The following CAMK1D variants were observed in gnomAD, a reference collection of about 807,000 sequenced individuals.
The protein encoded by CAMK1D is calcium/calmodulin dependent protein kinase ID.
A neutral mutation model predicts 47.7 loss-of-function variants in CAMK1D; 9 were observed. The observed-to-expected ratio is 0.19, with a 90% CI of 0.11 to 0.33. The LOEUF is 0.33. CAMK1D is among the 10% of genes least tolerant of loss of function. The probability of loss-of-function intolerance (pLI) is 1.00; values close to 1 mark genes in which losing one functional copy is unlikely to be tolerated. For synonymous variants in CAMK1D, 184 were observed against 184.9 expected (o/e 0.99, Z 0.04); for missense variants, 291 against 488.7 (o/e 0.60, Z 3.81).
At chr10:12,787,488 G>GA (rs1837781055) in intron 5 of CAMK1D, among the ~76,000 whole-genome samples, 1 of 152,198 alleles carries the variant, frequency 6.6e-6, no homozygotes. Context: ...CGAGAACACA[G>GA]AGTATCCGCG....
intron 1 of CAMK1D, among the ~76,000 whole-genome samples, chr10:12,355,444 A>G (rs1462311466): frequency 6.6e-6 from 1 of 151,962 alleles, no homozygotes; most frequent in African/African-American, 2.4e-5. Context: ...TTTTTGGTGT[A>G]TATGTGTTTG....
intron 3 of CAMK1D, among the ~76,000 whole-genome samples, chr10:12,727,185 C>G (rs142295499): frequency 1.3e-5 from 2 of 152,308 alleles, no homozygotes; most frequent in East Asian, 3.9e-4. Context: ...AAAACTGAGC[C>G]TCGTTTTGAT....
At chr10:12,760,645 G>T in intron 3 of CAMK1D, 1 of 236,836 alleles carries the variant, frequency 4.2e-6, no homozygotes, top group African/African-American at 2.2e-5. Context: ...TGGTATTCAG[G>T]AAGGGTTTTT....
intron 1 of CAMK1D, among the ~76,000 whole-genome samples, chr10:12,537,181 C>T (rs1258789685): frequency 1.3e-5 from 2 of 152,136 alleles, no homozygotes; most frequent in Non-Finnish European, 2.9e-5. Context: ...AAGTGATTCT[C>T]CTTCCTCAAC....
chr10:12,477,676 G>T (rs1833941424), intron 1 of CAMK1D, among the ~76,000 whole-genome samples: 1 of 152,214 alleles, frequency 6.6e-6, no homozygotes, highest in Admixed American at 6.5e-5. Context: ...ACTGTGGAGG[G>T]AGGGGCAGGG....
intron 2 of CAMK1D, among the ~76,000 whole-genome samples, chr10:12,642,063 G>A (rs572549287): frequency 0.14 from 19,940 of 145,068 alleles, 1,890 homozygotes; most frequent in African/African-American, 0.26. Context: ...AAAAAAAAAA[G>A]AAAGAAAAGG....
chr10:12,469,623 G>A (rs527311973), intron 1 of CAMK1D, among the ~76,000 whole-genome samples: 10 of 152,208 alleles, frequency 6.6e-5, no homozygotes, highest in South Asian at 2.1e-4. Context: ...GCTTATTTCC[G>A]GGAAAAGCTA....
intron 3 of CAMK1D, among the ~76,000 whole-genome samples, chr10:12,710,168 G>A (rs575644602): frequency 1.4e-4 from 22 of 152,318 alleles, no homozygotes; most frequent in African/African-American, 4.1e-4. Flanking sequence ...AAGTGTTACC[G>A]TTTGTAACTA....
At chr10:12,610,174 A>G (rs528493916) in intron 2 of CAMK1D, among the ~76,000 whole-genome samples, 1 of 152,234 alleles carries the variant, frequency 6.6e-6, no homozygotes, top group South Asian at 2.1e-4. Flanking sequence ...TTAGGAAGGG[A>G]TGTTCATAGA....
intron 10 of CAMK1D, among the ~76,000 whole-genome samples, chr10:12,827,992 T>G (rs186405118): frequency 9.2e-5 from 14 of 152,338 alleles, no homozygotes; most frequent in African/African-American, 3.4e-4. Flanking sequence ...CAAAGTGCTC[T>G]GCGTCACAAA....
At chr10:12,799,464 G>A (rs577997849) in intron 6 of CAMK1D, among the ~76,000 whole-genome samples, 1 of 152,116 alleles carries the variant, frequency 6.6e-6, no homozygotes, top group East Asian at 1.9e-4. Flanking sequence ...GAGGGAAGGA[G>A]GGAGGAAGGA....
At chr10:12,767,015 T>C (rs1396284253) in intron 4 of CAMK1D, among the ~76,000 whole-genome samples, 1 of 152,144 alleles carries the variant, frequency 6.6e-6, no homozygotes, top group Non-Finnish European at 1.5e-5. Flanking sequence ...TCCAGAGCCC[T>C]GGGCCCCATC....
chr10:12,780,268 A>T (rs950683998), intron 5 of CAMK1D, among the ~76,000 whole-genome samples: 2 of 152,172 alleles, frequency 1.3e-5, no homozygotes, highest in Non-Finnish European at 2.9e-5. Context: ...GCCACCCAGC[A>T]GGGGACTTGA....
intron 3 of CAMK1D, among the ~76,000 whole-genome samples, chr10:12,720,002 C>T (rs1034839735): frequency 6.6e-6 from 1 of 152,186 alleles, no homozygotes; most frequent in Non-Finnish European, 1.5e-5. Context: ...TTCAGTGGGT[C>T]TGGGTAGGAA....
intron 3 of CAMK1D, among the ~76,000 whole-genome samples, chr10:12,739,600 T>C (rs1835341872): frequency 6.6e-6 from 1 of 152,120 alleles, no homozygotes; most frequent in African/African-American, 2.4e-5. Context: ...AGATATATGC[T>C]TTGATCTCAA....
chr10:12,605,723 C>T (rs756318959), intron 2 of CAMK1D, among the ~76,000 whole-genome samples: 61 of 152,332 alleles, frequency 4.0e-4, no homozygotes, highest in Non-Finnish European at 5.0e-4. Flanking sequence ...AAAACACTGC[C>T]GCATTGCCCA....
intron 1 of CAMK1D, among the ~76,000 whole-genome samples, chr10:12,400,953 A>G (rs895025201): frequency 9.6e-5 from 14 of 146,154 alleles, no homozygotes; most frequent in African/African-American, 3.6e-4. Flanking sequence ...CCCTGTCTCT[A>G]CAAAACCAGA....
chr10:12,605,820 C>T (rs1838441866), intron 2 of CAMK1D, among the ~76,000 whole-genome samples: 1 of 152,184 alleles, frequency 6.6e-6, no homozygotes, highest in African/African-American at 2.4e-5. Flanking sequence ...CCCTCGGAAA[C>T]AGGAGTTATT....
intron 1 of CAMK1D, among the ~76,000 whole-genome samples, chr10:12,548,238 T>G (rs1214994701): frequency 6.6e-6 from 1 of 152,158 alleles, no homozygotes; most frequent in African/African-American, 2.4e-5. Flanking sequence ...CCAAAGTCCT[T>G]TGTAAATATC....
Sources: gnomAD v4.1 joint callset for allele counts (sites outside exome capture counted in the v4.1 genomes callset) on GRCh38, gnomAD v4.1.1 for gene constraint, MANE v1.5 for transcripts, NCBI Gene and HGNC (gene_info 2026-07-23, HGNC 2026-07-21) for gene names.